Variants in SEMA6D observed in about 807,000 individuals in gnomAD.
SEMA6D encodes semaphorin 6D.
Under a neutral mutation model 106.6 loss-of-function variants are expected in SEMA6D, and 35 were observed. The observed-to-expected ratio is 0.33, with a 90% CI of 0.25 to 0.44. SEMA6D has a LOEUF of 0.44. SEMA6D is among the 20% of genes least tolerant of loss of function. The pLI, the probability that SEMA6D is intolerant of heterozygous loss-of-function variation, is 1.00. For missense variants in SEMA6D, 1,185 were observed against 1,345.9 expected (o/e 0.88, Z 1.87); for synonymous variants, 499 against 487.7 (o/e 1.02, Z -0.31).
chr15:47,299,856 C>T (rs934356366), intron 1 of SEMA6D, among the ~76,000 whole-genome samples: 3 of 152,108 alleles, frequency 2.0e-5, no homozygotes, highest in African/African-American at 7.2e-5. Flanking sequence ...TGAAAAATTG[C>T]AGGCACATAT....
At chr15:47,766,068 A>G in intron 14 of SEMA6D, 37 bp from the exon 15 acceptor site, 1 of 1,612,904 alleles carries the variant, frequency 6.2e-7, no homozygotes, top group African/African-American at 1.3e-5. Context: ...TTTGTTGATG[A>G]GAAAATCCAA....
At chr15:47,549,574 G>A (rs543883426) in intron 3 of SEMA6D, among the ~76,000 whole-genome samples, 1 of 152,100 alleles carries the variant, frequency 6.6e-6, no homozygotes, top group African/African-American at 2.4e-5. Context: ...TGGAAGAAAG[G>A]TTTTAAATAG....
rs1488156032 is a variant in SEMA6D, at chr15:47,462,798, A to G, written c.-158-7676A>G. Among the ~76,000 whole-genome samples the G allele has an allele frequency of 2.6e-5, 4 of 152,224 alleles. No homozygotes were observed. The East Asian group carries it at 5.8e-4, about 22-fold the overall frequency. The stretch of plus-strand genomic sequence containing the variant: ...GCAAGAGTGCAGGTAATTTTATCTC[A>G]TAAAGATTACTTAATTCACCTTGGG... On this transcript the variant is annotated intron_variant, in intron 2 of 19. Transcript: ENST00000558014.
chr15:47,253,593 C>T (rs1236868844), intron 1 of SEMA6D, among the ~76,000 whole-genome samples: 2 of 152,096 alleles, frequency 1.3e-5, no homozygotes, highest in African/African-American at 2.4e-5. Flanking sequence ...CCAGTTTTCC[C>T]AGCACCATTT....
chr15:47,729,385 T>A (rs892167646), intron 1 of SEMA6D, among the ~76,000 whole-genome samples: 5 of 151,560 alleles, frequency 3.3e-5, no homozygotes, highest in African/African-American at 4.8e-5. Context: ...GATCCCTGAA[T>A]CCATTTGTCT....
chr15:47,585,684 C>T (rs2076326138), intron 3 of SEMA6D, among the ~76,000 whole-genome samples: 1 of 152,128 alleles, frequency 6.6e-6, no homozygotes. Context: ...TTATTTATGT[C>T]AATAATACTA....
intron 3 of SEMA6D, among the ~76,000 whole-genome samples, chr15:47,599,273 A>G (rs1225954473): frequency 6.6e-6 from 1 of 152,106 alleles, no homozygotes; most frequent in African/African-American, 2.4e-5. Flanking sequence ...ATACCACTGC[A>G]TCCTGGTAAC....
intron 4 of SEMA6D, among the ~76,000 whole-genome samples, chr15:47,644,676 G>A (rs1220494052): frequency 2.0e-5 from 3 of 152,192 alleles, no homozygotes; most frequent in Non-Finnish European, 4.4e-5. Flanking sequence ...GACACCAAAT[G>A]CCAGCACCTT....
At chr15:47,715,893 C>G, upstream of SEMA6D, among the ~76,000 whole-genome samples, 1 of 152,232 alleles carries the variant, frequency 6.6e-6, no homozygotes, top group East Asian at 1.9e-4. Context: ...CCCTTGCAAT[C>G]TTTATGCAAT....
At chr15:47,635,855 T>C (rs941934711) in intron 4 of SEMA6D, among the ~76,000 whole-genome samples, 8 of 152,020 alleles carry the variant, frequency 5.3e-5, no homozygotes, top group South Asian at 2.1e-4. Context: ...TCATGCATGT[T>C]TTAACTAAAT....
chr15:47,720,208 G>A (rs1289584298), intron 1 of SEMA6D, among the ~76,000 whole-genome samples: 8 of 146,942 alleles, frequency 5.4e-5, no homozygotes, highest in Non-Finnish European at 1.0e-4. Context: ...GCATCCTACA[G>A]AATATTCCTA....
At chr15:47,675,704 A>G (rs1185426037) in intron 4 of SEMA6D, among the ~76,000 whole-genome samples, 4 of 152,206 alleles carry the variant, frequency 2.6e-5, no homozygotes, top group Admixed American at 6.5e-5. Context: ...TTTATTTTGT[A>G]TGGCAATTCC....
intron 1 of SEMA6D, among the ~76,000 whole-genome samples, chr15:47,309,656 G>C (rs567674801): frequency 1.3e-5 from 2 of 152,128 alleles, no homozygotes; most frequent in African/African-American, 4.8e-5. Context: ...TATTGCCCTT[G>C]TGTAAGGGGA....
At chr15:47,217,648 G>T (rs1002984541) in intron 1 of SEMA6D, among the ~76,000 whole-genome samples, 1 of 150,890 alleles carries the variant, frequency 6.6e-6, no homozygotes, top group African/African-American at 2.4e-5. Context: ...AAAAAATACA[G>T]ACAAAATTAT....
Position 47,766,085 on chromosome 15 carries a change from T to G in SEMA6D, c.1569-20T>G, listed in dbSNP as rs1237733142. The G allele has an allele frequency of 6.2e-7, 1 of 1,613,390 alleles. No homozygotes were observed. Among genetic ancestry groups the G allele is most frequent in the Non-Finnish European group, 8.5e-7 (1 of 1,179,616 alleles). On this transcript the variant is annotated intron_variant, in intron 14 of 18. Transcript: ENST00000536845. ...TGTTGATGAGAAAATCCAAGTTACA[T>G]TCTGTTTGGTTTTACACAGGTCTTG...
intron 4 of SEMA6D, among the ~76,000 whole-genome samples, chr15:47,700,505 C>T (rs1312069202): frequency 6.6e-6 from 1 of 152,266 alleles, no homozygotes; most frequent in East Asian, 1.9e-4. Flanking sequence ...CACTGCACTC[C>T]AGCCTGGGTG....
intron 4 of SEMA6D, among the ~76,000 whole-genome samples, chr15:47,626,399 A>G (rs2077202615): frequency 1.3e-5 from 2 of 152,202 alleles, no homozygotes; most frequent in Non-Finnish European, 2.9e-5. Context: ...ACTTCCACTC[A>G]GAAGTGCTCT....
intron 3 of SEMA6D, among the ~76,000 whole-genome samples, chr15:47,494,707 A>G (rs902872336): frequency 1.5e-5 from 2 of 133,370 alleles, no homozygotes; most frequent in African/African-American, 5.4e-5. Context: ...TCTAACCTCT[A>G]AAGTACATTT....
intron 3 of SEMA6D, among the ~76,000 whole-genome samples, chr15:47,565,603 G>T (rs984114072): frequency 2.0e-5 from 3 of 152,124 alleles, no homozygotes; most frequent in African/African-American, 7.2e-5. Context: ...TCTGAATCTG[G>T]GAGGCATCGA....
Sources: gnomAD v4.1 joint callset for allele counts (sites outside exome capture counted in the v4.1 genomes callset) on GRCh38, gnomAD v4.1.1 for gene constraint, MANE v1.5 for transcripts, NCBI Gene and HGNC (gene_info 2026-07-23, HGNC 2026-07-21) for gene names.